Variants in DAB1 observed in about 807,000 individuals in gnomAD.
DAB1 encodes the protein disabled homolog 1.
DAB1 carries 15 observed loss-of-function variants against 64.6 expected under a neutral mutation model. That is an observed-to-expected ratio of 0.23 (90% CI 0.16 to 0.36). The LOEUF is 0.36. DAB1 is among the 10% of genes least tolerant of loss of function. DAB1 has a pLI of 1.00. For missense variants in DAB1, 596 were observed against 706.7 expected, an observed-to-expected ratio of 0.84 and a Z score of 1.78; for synonymous variants, 235 against 251.9, an observed-to-expected ratio of 0.93 and a Z score of 0.64.
chr1:58,147,414 C>A (rs972508536), intron 5 of DAB1, among the ~76,000 whole-genome samples: 1 of 150,796 alleles, frequency 6.6e-6, no homozygotes, highest in African/African-American at 2.4e-5. Context: ...GTCAGGAGAT[C>A]GAGACCATCC....
intron 7 of DAB1, among the ~76,000 whole-genome samples, chr1:57,634,955 T>C (rs12062936): frequency 0.011 from 1,686 of 151,994 alleles, 26 homozygotes; most frequent in African/African-American, 0.039. Flanking sequence ...GATCTGAAGG[T>C]TATAAGGGGT....
At chr1:58,425,429 C>T (rs1285314386) in intron 3 of DAB1, among the ~76,000 whole-genome samples, 1 of 152,214 alleles carries the variant, frequency 6.6e-6, no homozygotes, top group African/African-American at 2.4e-5. Flanking sequence ...TTAGTATTTG[C>T]CTAAGCTAGC....
intron 7 of DAB1, among the ~76,000 whole-genome samples, chr1:57,476,304 T>C (rs1414341647): frequency 6.6e-6 from 1 of 151,326 alleles, no homozygotes; most frequent in Admixed American, 6.6e-5. Context: ...AAAATGTATA[T>C]TTTATATTAT....
chr1:58,128,310 G>T (rs959214884), intron 5 of DAB1, among the ~76,000 whole-genome samples: 2 of 149,770 alleles, frequency 1.3e-5, no homozygotes, highest in Admixed American at 6.6e-5. Flanking sequence ...CATTGATTTT[G>T]TATCCTGAGA....
intron 11 of DAB1, among the ~76,000 whole-genome samples, chr1:57,017,401 C>T (rs1240369388): frequency 2.0e-5 from 3 of 152,150 alleles, no homozygotes; most frequent in Admixed American, 2.0e-4. Flanking sequence ...GCATTGATGA[C>T]ATTATGAGTC....
chr1:58,334,067 C>G (rs1403111372), intron 4 of DAB1, among the ~76,000 whole-genome samples: 1 of 152,132 alleles, frequency 6.6e-6, no homozygotes, highest in Non-Finnish European at 1.5e-5. Flanking sequence ...GATGCCTGTA[C>G]AAACCGGGGA....
At chr1:57,642,531 C>A (rs1029906375) in intron 7 of DAB1, among the ~76,000 whole-genome samples, 1 of 152,184 alleles carries the variant, frequency 6.6e-6, no homozygotes, top group Non-Finnish European at 1.5e-5. Flanking sequence ...TATATCCCCT[C>A]CCTCCCTCAA....
At chr1:57,917,331 C>T (rs781488980) in intron 5 of DAB1, among the ~76,000 whole-genome samples, 5 of 152,112 alleles carry the variant, frequency 3.3e-5, no homozygotes, top group Non-Finnish European at 5.9e-5. Context: ...TGGTGTCAGC[C>T]GACTGTACTT....
intron 8 of DAB1, among the ~76,000 whole-genome samples, chr1:57,068,877 G>T (rs1475500763): frequency 1.3e-5 from 2 of 152,146 alleles, no homozygotes; most frequent in Admixed American, 6.6e-5. Context: ...AAAAAGTTCA[G>T]TTTTCTTTGC....
intron 1 of DAB1, among the ~76,000 whole-genome samples, chr1:57,408,150 A>G (rs1683805463): frequency 6.6e-6 from 1 of 152,168 alleles, no homozygotes; most frequent in South Asian, 2.1e-4. Context: ...TGTAATGTTT[A>G]CACAAGCGCT....
chr1:57,328,932 G>T (rs1469929262), intron 1 of DAB1, among the ~76,000 whole-genome samples: 1 of 152,208 alleles, frequency 6.6e-6, no homozygotes, highest in Non-Finnish European at 1.5e-5. Context: ...ATTCGTAGTA[G>T]TATTAATCTA....
chr1:57,212,218 C>T (rs563022156), intron 2 of DAB1, among the ~76,000 whole-genome samples: 29 of 152,036 alleles, frequency 1.9e-4, no homozygotes, highest in Admixed American at 7.9e-4. Context: ...CCCTGTTTTA[C>T]GAATGACCAG....
chr1:58,362,029 T>A (rs1044893203), intron 3 of DAB1, among the ~76,000 whole-genome samples: 6 of 152,000 alleles, frequency 3.9e-5, no homozygotes, highest in African/African-American at 1.2e-4. Context: ...CACACCCAGA[T>A]AATTTTTGTA....
intron 9 of DAB1, among the ~76,000 whole-genome samples, chr1:57,037,490 A>C (rs1416535151): frequency 3.3e-5 from 5 of 152,242 alleles, no homozygotes; most frequent in Non-Finnish European, 7.3e-5. Context: ...GCTGAAAAAC[A>C]AAAAACACAA....
At chr1:57,420,868 C>T (rs979686608) in intron 1 of DAB1, among the ~76,000 whole-genome samples, 1 of 152,122 alleles carries the variant, frequency 6.6e-6, no homozygotes, top group Admixed American at 6.5e-5. Context: ...TTTAAAGTTC[C>T]GGACAATACC....
chr1:57,514,045 A>T (rs560402134), intron 7 of DAB1, among the ~76,000 whole-genome samples: 1 of 152,336 alleles, frequency 6.6e-6, no homozygotes, highest in Non-Finnish European at 1.5e-5. Context: ...TTAATGCTGA[A>T]TAGTTTTCCG....
chr1:57,400,276 A>G (rs970771963), intron 1 of DAB1, among the ~76,000 whole-genome samples: 1 of 152,090 alleles, frequency 6.6e-6, no homozygotes, highest in Non-Finnish European at 1.5e-5. Flanking sequence ...TTAACCTCTG[A>G]GTTGGAGAGA....
intron 3 of DAB1, among the ~76,000 whole-genome samples, chr1:58,467,232 G>A (rs945072207): frequency 1.3e-5 from 2 of 152,212 alleles, no homozygotes; most frequent in African/African-American, 2.4e-5. Flanking sequence ...CAAAGTGGCT[G>A]TCACTGTAAC....
intron 7 of DAB1, among the ~76,000 whole-genome samples, chr1:57,472,100 T>C (rs1285376527): frequency 6.6e-6 from 1 of 152,240 alleles, no homozygotes; most frequent in African/African-American, 2.4e-5. Flanking sequence ...CAGAGACATG[T>C]GTACTCTCAG....
Sources: allele counts gnomAD v4.1 joint callset (sites outside exome capture counted in the v4.1 genomes callset), GRCh38; gene constraint gnomAD v4.1.1; transcripts MANE v1.5; gene names NCBI Gene and HGNC (gene_info 2026-07-23, HGNC 2026-07-21).